The following AGO2 variants were observed in gnomAD, a reference collection of about 807,000 sequenced individuals.
AGO2 encodes the protein protein argonaute-2.
Under a neutral mutation model 102.3 loss-of-function variants are expected in AGO2, and 5 were observed. The ratio of observed to expected loss-of-function variants is 0.05; its 90% CI spans 0.03 to 0.10. The LOEUF (loss-of-function observed/expected upper bound fraction) is 0.10, where lower values mean the gene tolerates loss of function less well. Among genes scored for constraint, AGO2 ranks in the 10% least tolerant of loss-of-function variants. The pLI is 1.00. For synonymous variants in AGO2, 449 were observed against 473.1 expected, an observed-to-expected ratio of 0.95 and a Z score of 0.66; for missense variants, 541 against 1,183.7, an observed-to-expected ratio of 0.46 and a Z score of 7.97.
intron 1 of AGO2, among the ~76,000 whole-genome samples, chr8:140,610,530 T>A (rs1239279043): frequency 6.6e-6 from 1 of 152,168 alleles, no homozygotes; most frequent in African/African-American, 2.4e-5. Context: ...GAGGCTTTCT[T>A]AATAACGGAA....
chr8:140,548,595 C>T (rs1394693163), intron 12 of AGO2, among the ~76,000 whole-genome samples: 1 of 152,142 alleles, frequency 6.6e-6, no homozygotes, highest in Non-Finnish European at 1.5e-5. Context: ...CTTTTTCTTC[C>T]CTTCTTTTTT....
At chr8:140,607,195 C>T (rs1230020278) in intron 1 of AGO2, among the ~76,000 whole-genome samples, 1 of 151,134 alleles carries the variant, frequency 6.6e-6, no homozygotes, top group East Asian at 1.9e-4. Context: ...GTTGCAGTGA[C>T]CCGAGATCAT....
In AGO2 at chr8:140,562,648, A is replaced by C. The variant is rs1285676072; in HGVS notation, c.337-14T>G. On this transcript the variant is annotated splice_polypyrimidine_tract_variant and intron_variant, in intron 3 of 18. Coordinates refer to ENST00000220592, the MANE Select transcript of AGO2 (RefSeq NM_012154.5). The stretch of plus-strand genomic sequence containing the variant: ...CTCCAGCTCCACCTGCGAGGATCCA[A>C]GGCACACAAGGTTACTCCCTCCTGC... 6.2e-7 allele frequency: 1 copy of C among 1,611,022 alleles called. No homozygotes were observed.
At chr8:140,633,878 C>A (rs59268665) in intron 1 of AGO2, among the ~76,000 whole-genome samples, 13,542 of 152,268 alleles carry the variant, frequency 0.089, 1,784 homozygotes, top group African/African-American at 0.29. Flanking sequence ...TTAAGTAACA[C>A]GCAAAACACA....
intron 3 of AGO2, chr8:140,572,596 G>C (rs2073396679): frequency 1.8e-6 from 1 of 544,270 alleles, no homozygotes; most frequent in Non-Finnish European, 3.0e-6. Flanking sequence ...CGATATCCGT[G>C]TCTGGACCTA....
intron 1 of AGO2, among the ~76,000 whole-genome samples, chr8:140,631,421 C>G (rs1371279349): frequency 6.6e-6 from 1 of 151,932 alleles, no homozygotes; most frequent in African/African-American, 2.4e-5. Flanking sequence ...TTAGTCCCAG[C>G]TCCTCAGGAG....
chr8:140,630,051 G>C (rs996579659), intron 1 of AGO2, among the ~76,000 whole-genome samples: 2 of 152,066 alleles, frequency 1.3e-5, no homozygotes. Flanking sequence ...AGCTCACAAC[G>C]GGGACACGCG....
intron 1 of AGO2, among the ~76,000 whole-genome samples, chr8:140,624,599 A>G (rs1412828946): frequency 6.6e-6 from 1 of 152,254 alleles, no homozygotes; most frequent in Non-Finnish European, 1.5e-5. Flanking sequence ...CTGGGGGCTC[A>G]GGAGGAGGCT....
intron 2 of AGO2, among the ~76,000 whole-genome samples, chr8:140,579,005 T>C (rs2073509703): frequency 6.6e-6 from 1 of 152,192 alleles, no homozygotes; most frequent in Non-Finnish European, 1.5e-5. Flanking sequence ...AAGTTTCACA[T>C]AACGATAAAG....
In AGO2 at chr8:140,595,820, ATT is replaced by A. The variant is rs1436523547; in HGVS notation, c.23-10511_23-10510del. 9.6e-4 allele frequency among the ~76,000 whole-genome samples: 39 copies of A among 40,816 alleles called. 2 individuals are homozygous for A. Among genetic ancestry groups the A allele is most frequent in the Non-Finnish European group, 1.6e-3 (25 of 16,118 alleles). The allele number at this position is 40,816 out of a possible 152,430, so 26.8% of individuals were successfully genotyped here. A position where few individuals can be genotyped will look rare whatever the true frequency, so the allele number is the denominator to read the frequency against. ...TATTATATACAATTGTATATATTATATTTATATTATATACAATTGTATATATT... is the reference window on the plus strand; with the variant it reads ...TATTATATACAATTGTATATATTATATATATTATATACAATTGTATATATT... On this transcript the variant is annotated intron_variant, in intron 1 of 18. Transcript: ENST00000220592.
At chr8:140,634,781 T>TC (rs1476534411) in intron 1 of AGO2, among the ~76,000 whole-genome samples, 25 of 152,090 alleles carry the variant, frequency 1.6e-4, no homozygotes, top group Non-Finnish European at 1.5e-5. Flanking sequence ...GCACGCAGTT[T>TC]GAGGGTTCCG....
At chr8:140,534,486 C>A (rs986863502) in intron 17 of AGO2, among the ~76,000 whole-genome samples, 1 of 152,242 alleles carries the variant, frequency 6.6e-6, no homozygotes, top group Non-Finnish European at 1.5e-5. Context: ...GCCACAAACC[C>A]TGCACGCACT....
rs2073311814 is a variant in AGO2, at chr8:140,567,834, G to A, written c.336+4978C>T. On this transcript the variant is annotated intron_variant, in intron 3 of 18. Coordinates refer to ENST00000220592, the MANE Select transcript of AGO2 (RefSeq NM_012154.5). The surrounding 1 kb of genome is among the most constrained non-coding windows in gnomAD (Gnocchi z 5.0). Reference sequence around the variant, plus strand: ...AACAAAGGGAAAACAGCACTCTAAAGAATGCAAAGAGGCCAGCCTGGGGCT... The same window carrying A: ...AACAAAGGGAAAACAGCACTCTAAAAAATGCAAAGAGGCCAGCCTGGGGCT... Among the ~76,000 whole-genome samples the A allele has an allele frequency of 6.6e-6, 1 of 152,168 alleles. No homozygotes were observed. The highest frequency in any genetic ancestry group is 1.5e-5 in the Non-Finnish European group (1 of 68,024).
intron 17 of AGO2, among the ~76,000 whole-genome samples, chr8:140,534,192 G>A (rs929660624): frequency 6.6e-6 from 1 of 152,238 alleles, no homozygotes; most frequent in Non-Finnish European, 1.5e-5. Flanking sequence ...GGGAGTGAGG[G>A]CATCTGTCTC....
intron 1 of AGO2, among the ~76,000 whole-genome samples, chr8:140,590,942 G>A (rs893596542): frequency 2.0e-5 from 3 of 152,182 alleles, no homozygotes; most frequent in Non-Finnish European, 4.4e-5. Context: ...TGTGGGCATG[G>A]GGACACAGGA....
At chr8:140,638,635 C>T (rs1054494325), upstream of AGO2, among the ~76,000 whole-genome samples, 16 of 152,288 alleles carry the variant, frequency 1.1e-4, no homozygotes, top group Non-Finnish European at 1.9e-4. Context: ...AGTGTAGTGG[C>T]GAAAACACAG....
intron 12 of AGO2, among the ~76,000 whole-genome samples, chr8:140,548,555 A>C (rs902216512): frequency 3.9e-5 from 6 of 152,116 alleles, no homozygotes; most frequent in Admixed American, 1.3e-4. Context: ...TGACCCTGGG[A>C]CAGTGTTAGC....
chr8:140,523,871 G>C lies in AGO2; in HGVS notation c.*8173C>G, dbSNP rs1439749192. 6.6e-6 allele frequency: 1 copy of C among 152,226 alleles called. No individual in the cohort carries two copies. Among genetic ancestry groups the C allele is most frequent in the Non-Finnish European group, 1.5e-5 (1 of 68,054 alleles). 9.4% of individuals were successfully genotyped at this position (152,226 alleles called of 1,614,324 possible). A position where few individuals can be genotyped will look rare whatever the true frequency, so the allele number is the denominator to read the frequency against. Reference sequence around the variant, plus strand: ...GAGAAAGAGGGGAGGGCCAAGAGGAGCCACCAAGAAGAACTTCCTAGGTAT... The same window carrying C: ...GAGAAAGAGGGGAGGGCCAAGAGGACCCACCAAGAAGAACTTCCTAGGTAT... On this transcript the variant is annotated 3_prime_UTR_variant, in exon 19 of 19. Coordinates refer to ENST00000220592, the MANE Select transcript of AGO2 (RefSeq NM_012154.5).
Position 140,522,515 on chromosome 8 carries a change from A to ATC in AGO2, c.*9527_*9528dup, listed in dbSNP as rs1297837636. 6.7e-6 allele frequency: 1 copy of ATC among 149,952 alleles called. No homozygotes were observed. The highest frequency in any genetic ancestry group is 6.7e-5 in the Admixed American group (1 of 14,928). The allele number at this position is 149,952 out of a possible 1,614,324, so 9.3% of individuals were successfully genotyped here. ...CACACTCTCCATCAGCCACACAGAAATCTCAGACTGGAGGGGAAAAAAAAA... is the reference window on the plus strand; with the variant it reads ...CACACTCTCCATCAGCCACACAGAAATCTCTCAGACTGGAGGGGAAAAAAAAA... On this transcript the variant is annotated 3_prime_UTR_variant, in exon 19 of 19. Transcript: ENST00000220592.
Sources: gnomAD v4.1 joint callset for allele counts (sites outside exome capture counted in the v4.1 genomes callset) on GRCh38, gnomAD v4.1.1 for gene constraint, Gnocchi (gnomAD v3.1) non-coding constraint, MANE v1.5 for transcripts, NCBI Gene and HGNC (gene_info 2026-07-23, HGNC 2026-07-21) for gene names.